The following KCNJ6 variants were observed in gnomAD, a reference collection of about 807,000 sequenced individuals.
KCNJ6 encodes the protein G protein-activated inward rectifier potassium channel 2.
KCNJ6 carries 9 observed loss-of-function variants against 34.2 expected under a neutral mutation model. That is an observed-to-expected ratio of 0.26 (90% CI 0.16 to 0.46). The LOEUF is 0.46. Among genes scored for constraint, KCNJ6 ranks in the 20% least tolerant of loss-of-function variants. The probability of loss-of-function intolerance (pLI) is 1.00; values close to 1 mark genes in which losing one functional copy is unlikely to be tolerated. For missense variants in KCNJ6, 236 were observed against 531.3 expected, an observed-to-expected ratio of 0.44 and a Z score of 5.46; for synonymous variants, 196 against 207.1, an observed-to-expected ratio of 0.95 and a Z score of 0.46.
At chr21:37,720,601 T>C (rs911097043) in intron 2 of KCNJ6, among the ~76,000 whole-genome samples, 1 of 152,166 alleles carries the variant, frequency 6.6e-6, no homozygotes, top group African/African-American at 2.4e-5. Flanking sequence ...TTTAACCAAG[T>C]GTCAGTTGTT....
intron 1 of KCNJ6, among the ~76,000 whole-genome samples, chr21:37,884,214 A>C (rs1161576343): frequency 6.6e-6 from 1 of 152,158 alleles, no homozygotes; most frequent in Non-Finnish European, 1.5e-5. Flanking sequence ...CTATGGATGC[A>C]TTTCCGCACC....
rs140142933 is a variant in KCNJ6 at position 37,786,561 on chromosome 21, G to GT, written c.25+54096dup. On this transcript the variant is annotated intron_variant, in intron 2 of 3. Transcript: ENST00000609713. ...CTGAACAATAGGCCAACAGTCATGA[G>GT]TGCAGCTACCCCGATTGGTGGCCTC... Among the ~76,000 whole-genome samples, 1,171 of 152,326 alleles carry GT rather than the reference G, an allele frequency of 7.7e-3. 15 individuals carry two copies. The highest frequency in any genetic ancestry group is 0.027 in the African/African-American group (1,113 of 41,570).
intron 2 of KCNJ6, among the ~76,000 whole-genome samples, chr21:37,833,439 T>G (rs1037600553): frequency 5.9e-5 from 9 of 152,156 alleles, no homozygotes; most frequent in Non-Finnish European, 8.8e-5. Context: ...GTTATTGACT[T>G]GCTTTGGCTA....
chr21:37,742,804 G>T (rs2054947781), intron 2 of KCNJ6, among the ~76,000 whole-genome samples: 1 of 152,288 alleles, frequency 6.6e-6, no homozygotes, highest in South Asian at 2.1e-4. Context: ...ATTGTTCAGT[G>T]GTTGCTCATC....
intron 1 of KCNJ6, among the ~76,000 whole-genome samples, chr21:37,846,370 TGTGTGTG>T (rs1382075251): frequency 2.6e-5 from 1 of 38,534 alleles, no homozygotes; most frequent in East Asian, 1.9e-3. Context: ...TGTGTGTGTG[TGTGTGTG>T]TGTGTGTGTG....
At chr21:37,770,457 C>A (rs2055112761) in intron 2 of KCNJ6, among the ~76,000 whole-genome samples, 3 of 151,964 alleles carry the variant, frequency 2.0e-5, no homozygotes, top group Admixed American at 1.3e-4. Context: ...GGTGATTGAT[C>A]CTTATCAACA....
At chr21:37,700,773 C>G (rs1056447707) in intron 3 of KCNJ6, among the ~76,000 whole-genome samples, 1 of 152,116 alleles carries the variant, frequency 6.6e-6, no homozygotes, top group Non-Finnish European at 1.5e-5. Flanking sequence ...GCACAACTCA[C>G]CACATCTTAG....
intron 3 of KCNJ6, among the ~76,000 whole-genome samples, chr21:37,657,544 G>A (rs554057681): frequency 3.3e-5 from 5 of 152,272 alleles, no homozygotes; most frequent in African/African-American, 1.2e-4. Context: ...AAGCACTGAG[G>A]CTGCCTGCTC....
intron 1 of KCNJ6, among the ~76,000 whole-genome samples, chr21:37,843,240 T>G (rs1212130399): frequency 6.6e-6 from 1 of 152,174 alleles, no homozygotes; most frequent in Admixed American, 6.5e-5. Flanking sequence ...GCAGCTATTT[T>G]TGTTCAGATG....
chr21:37,831,386 T>C (rs1407296653), intron 2 of KCNJ6, among the ~76,000 whole-genome samples: 1 of 152,190 alleles, frequency 6.6e-6, no homozygotes, highest in Non-Finnish European at 1.5e-5. Flanking sequence ...AAACGAAGTT[T>C]CTGCTGCTGC....
intron 2 of KCNJ6, among the ~76,000 whole-genome samples, chr21:37,741,754 A>G (rs2054942266): frequency 6.6e-6 from 1 of 152,176 alleles, no homozygotes; most frequent in Non-Finnish European, 1.5e-5. Flanking sequence ...CCAAGCCAGC[A>G]CCCAGAGGCA....
intron 3 of KCNJ6, among the ~76,000 whole-genome samples, chr21:37,703,954 G>A (rs2123440053): frequency 6.6e-6 from 1 of 152,350 alleles, no homozygotes; most frequent in East Asian, 1.9e-4. Flanking sequence ...CAGCTGTATT[G>A]GAACCCAGCC....
chr21:37,863,519 C>T (rs552051744), intron 1 of KCNJ6, among the ~76,000 whole-genome samples: 2 of 152,312 alleles, frequency 1.3e-5, no homozygotes, highest in African/African-American at 2.4e-5. Flanking sequence ...TGGTGCCAGA[C>T]ATTTATATTT....
chr21:37,674,100 A>C (rs777916593), intron 3 of KCNJ6, among the ~76,000 whole-genome samples: 4 of 152,206 alleles, frequency 2.6e-5, no homozygotes, highest in Non-Finnish European at 5.9e-5. Context: ...GATCCCTGAA[A>C]TATGCCCCAG....
chr21:37,768,960 G>A (rs550483093), intron 2 of KCNJ6, among the ~76,000 whole-genome samples: 3 of 152,362 alleles, frequency 2.0e-5, no homozygotes, highest in South Asian at 2.1e-4. Flanking sequence ...CTGCATGCAG[G>A]TGTGTTTAGG....
At chr21:37,799,888 T>C (rs1446763932) in intron 2 of KCNJ6, among the ~76,000 whole-genome samples, 2 of 152,218 alleles carry the variant, frequency 1.3e-5, no homozygotes, top group East Asian at 3.9e-4. Flanking sequence ...ATTTTAAAGT[T>C]ACAATTTTAA....
chr21:37,911,430 T>C (rs901165290), intron 1 of KCNJ6, among the ~76,000 whole-genome samples: 2 of 152,296 alleles, frequency 1.3e-5, no homozygotes, highest in African/African-American at 2.4e-5. Context: ...AATTATCTTT[T>C]GGTACTTAAA....
At chr21:37,647,540 C>T (rs996644544) in intron 3 of KCNJ6, among the ~76,000 whole-genome samples, 5 of 152,208 alleles carry the variant, frequency 3.3e-5, no homozygotes, top group African/African-American at 7.2e-5. Context: ...AGGGTCCATA[C>T]CCCCAATCAC....
intron 1 of KCNJ6, among the ~76,000 whole-genome samples, chr21:37,867,564 G>A (rs1000914519): frequency 4.6e-5 from 7 of 152,044 alleles, no homozygotes; most frequent in Admixed American, 2.6e-4. Flanking sequence ...ATTTGTTTAC[G>A]TATTTGTACT....
Sources: allele counts gnomAD v4.1 joint callset (sites outside exome capture counted in the v4.1 genomes callset), GRCh38; gene constraint gnomAD v4.1.1; transcripts MANE v1.5; gene names NCBI Gene and HGNC (gene_info 2026-07-23, HGNC 2026-07-21).